The following RAD51B variants were observed in gnomAD, a reference collection of about 807,000 sequenced individuals.
RAD51B encodes DNA repair protein RAD51 homolog 2.
Under a neutral mutation model 42.2 loss-of-function variants are expected in RAD51B, and 38 were observed. That is an observed-to-expected ratio of 0.90 (90% CI 0.70 to 1.18). The LOEUF (loss-of-function observed/expected upper bound fraction) is 1.18. Ranked by LOEUF, RAD51B falls within the 50% of genes most tolerant of loss-of-function variation. The pLI is 0.00. For missense variants in RAD51B, 373 were observed against 400.7 expected, an observed-to-expected ratio of 0.93 and a Z score of 0.59; for synonymous variants, 154 against 145.2, an observed-to-expected ratio of 1.06 and a Z score of -0.43.
chr14:68,429,508 G>T (rs557002251), intron 9 of RAD51B, among the ~76,000 whole-genome samples: 1 of 152,264 alleles, frequency 6.6e-6, no homozygotes, highest in Non-Finnish European at 1.5e-5. Context: ...ATGGCCAGTG[G>T]TAATGAGCAT....
chr14:68,106,546 G>T (rs969077051), intron 7 of RAD51B, among the ~76,000 whole-genome samples: 6 of 151,890 alleles, frequency 4.0e-5, no homozygotes, highest in African/African-American at 7.2e-5. Flanking sequence ...CAGTGTTTGT[G>T]TCACATTGGA....
chr14:68,044,966 G>A (rs1033691936), intron 7 of RAD51B, among the ~76,000 whole-genome samples: 2 of 152,154 alleles, frequency 1.3e-5, no homozygotes, highest in South Asian at 2.1e-4. Context: ...CTGGCCAGGC[G>A]TGGTGGCTCA....
chr14:68,059,034 C>CT (rs2076526316), intron 7 of RAD51B, among the ~76,000 whole-genome samples: 1 of 152,000 alleles, frequency 6.6e-6, no homozygotes, highest in South Asian at 2.1e-4. Context: ...ACCCTCCTAA[C>CT]TTTTTTTTCT....
intron 10 of RAD51B, among the ~76,000 whole-genome samples, chr14:68,537,971 C>T (rs1455558231): frequency 6.6e-6 from 1 of 152,198 alleles, no homozygotes; most frequent in Non-Finnish European, 1.5e-5. Flanking sequence ...GGCTGAGCAT[C>T]AAGATGTCTT....
At chr14:68,613,255 AT>A (rs1394078679), downstream of RAD51B, among the ~76,000 whole-genome samples, 2 of 151,864 alleles carry the variant, frequency 1.3e-5, no homozygotes, top group Non-Finnish European at 2.9e-5. Flanking sequence ...GTCTATACTA[AT>A]AATACAAAAC....
At chr14:68,125,749 G>GTTTT (rs200535359) in intron 7 of RAD51B, among the ~76,000 whole-genome samples, 1 of 141,126 alleles carries the variant, frequency 7.1e-6, no homozygotes, top group African/African-American at 3.0e-5. Context: ...TTTTTGTTTT[G>GTTTT]TTTTGTTTTG....
At chr14:68,631,819 A>G (rs1180343568) in intron 10 of RAD51B, among the ~76,000 whole-genome samples, 11 of 152,130 alleles carry the variant, frequency 7.2e-5, no homozygotes, top group Admixed American at 7.2e-4. Context: ...CCCAGGCTCC[A>G]GTGTCTGTGT....
chr14:68,189,083 A>G (rs1342269972), intron 7 of RAD51B, among the ~76,000 whole-genome samples: 2 of 151,898 alleles, frequency 1.3e-5, no homozygotes, highest in Non-Finnish European at 2.9e-5. Flanking sequence ...TTAATTTTTT[A>G]TTGTGTAATT....
chr14:68,252,500 C>T (rs2080656616), intron 7 of RAD51B, among the ~76,000 whole-genome samples: 1 of 152,224 alleles, frequency 6.6e-6, no homozygotes, highest in South Asian at 2.1e-4. Flanking sequence ...CTCATACACA[C>T]ATGTATGTGC....
In RAD51B at chr14:68,594,932, C is replaced by T. The variant is rs59490067; in HGVS notation, c.*329C>T. The T allele has an allele frequency of 6.4e-3, 6,920 of 1,086,480 alleles. 330 individuals carry two copies. The African/African-American group carries it at 0.1, about 16-fold the overall frequency. 67.3% of individuals were successfully genotyped at this position (1,086,480 alleles called of 1,614,324 possible). A position where few individuals can be genotyped will look rare whatever the true frequency, so the allele number is the denominator to read the frequency against. On this transcript the variant is annotated 3_prime_UTR_variant, in exon 11 of 11. Coordinates refer to the RAD51B transcript ENST00000487270. ...TGCTGCTGAGCTAAAGGACCAGGGACGTGGAAACAGGAGGTGAACTAAGGC... is the reference window on the plus strand; with the variant it reads ...TGCTGCTGAGCTAAAGGACCAGGGATGTGGAAACAGGAGGTGAACTAAGGC...
At chr14:68,399,246 G>C (rs1176372804) in intron 8 of RAD51B, among the ~76,000 whole-genome samples, 1 of 145,614 alleles carries the variant, frequency 6.9e-6, no homozygotes, top group Non-Finnish European at 1.5e-5. Flanking sequence ...CCCTTTACCT[G>C]ATTTTTTTTT....
chr14:68,335,519 A>T (rs1265690020), intron 8 of RAD51B, among the ~76,000 whole-genome samples: 1 of 152,160 alleles, frequency 6.6e-6, no homozygotes, highest in Non-Finnish European at 1.5e-5. Flanking sequence ...GTTTCACTGC[A>T]ACCAGCTCAC....
chr14:68,005,485 T>G (rs2075573742), intron 7 of RAD51B, among the ~76,000 whole-genome samples: 2 of 152,230 alleles, frequency 1.3e-5, no homozygotes, highest in Non-Finnish European at 2.9e-5. Context: ...TCATCAGTTA[T>G]GCATGTATTT....
chr14:68,650,874 T>G, intron 11 of RAD51B: 2 of 744,986 alleles, frequency 2.7e-6, no homozygotes, highest in Non-Finnish European at 2.5e-6. Flanking sequence ...CAAAATAGCA[T>G]TCTCCCTCAC....
rs2076164817 is a variant in RAD51B at position 68,038,269 on chromosome 14, G to T, written c.756+151065G>T. ...TAGCATCTAAAACATTTATGTTGTGGTGGTTGTATCATAGAAAACATTCTT... is the reference window on the plus strand; with the variant it reads ...TAGCATCTAAAACATTTATGTTGTGTTGGTTGTATCATAGAAAACATTCTT... On this transcript the variant is annotated intron_variant, in intron 7 of 10. Coordinates refer to ENST00000471583, the MANE Select transcript of RAD51B (RefSeq NM_133510.4). Among the ~76,000 whole-genome samples the T allele has an allele frequency of 2.0e-5, 3 of 152,196 alleles. No individual in the cohort carries two copies. The South Asian group carries it at 6.2e-4, about 31-fold the overall frequency.
intron 7 of RAD51B, among the ~76,000 whole-genome samples, chr14:68,045,951 T>C (rs971273481): frequency 6.6e-5 from 10 of 152,068 alleles, no homozygotes; most frequent in Admixed American, 3.3e-4. Context: ...CCTCAGTCTT[T>C]CTCTCCTTCG....
At chr14:68,628,970 C>A (rs979048196) in intron 10 of RAD51B, among the ~76,000 whole-genome samples, 1 of 152,208 alleles carries the variant, frequency 6.6e-6, no homozygotes, top group Non-Finnish European at 1.5e-5. Flanking sequence ...GGCGTTCCAG[C>A]GCAAACCAAC....
intron 7 of RAD51B, among the ~76,000 whole-genome samples, chr14:68,043,368 T>A (rs2076245228): frequency 6.6e-6 from 1 of 152,242 alleles, no homozygotes; most frequent in South Asian, 2.1e-4. Context: ...TGAATTTTAG[T>A]ACAGGAATAT....
intron 11 of RAD51B, among the ~76,000 whole-genome samples, chr14:68,662,030 C>T (rs1289262015): frequency 6.6e-6 from 1 of 152,238 alleles, no homozygotes; most frequent in Non-Finnish European, 1.5e-5. Context: ...TCCCCCATCC[C>T]CATGGCTGTC....
Sources: allele counts gnomAD v4.1 joint callset (sites outside exome capture counted in the v4.1 genomes callset), GRCh38; gene constraint gnomAD v4.1.1; transcripts MANE v1.5; gene names NCBI Gene and HGNC (gene_info 2026-07-23, HGNC 2026-07-21).